PCDHA9: variants seen among roughly 807,000 people sequenced by gnomAD.
PCDHA9 encodes protocadherin alpha 9, also known as protocadherin alpha-9.
Under a neutral mutation model 62.0 loss-of-function variants are expected in PCDHA9, and 62 were observed. That is an observed-to-expected ratio of 1.00 (90% CI 0.81 to 1.23). The LOEUF (loss-of-function observed/expected upper bound fraction) is 1.23, where lower values mean the gene tolerates loss of function less well. Among genes scored for constraint, PCDHA9 ranks in the 50% most tolerant of loss-of-function variants. The pLI is 0.00. For synonymous variants in PCDHA9, 557 were observed against 567.6 expected (o/e 0.98, Z 0.27); for missense variants, 1,205 against 1,249.8 (o/e 0.96, Z 0.54).
chr5:140,913,384 C>G (rs1018271300), intron 1 of PCDHA9, among the ~76,000 whole-genome samples: 1 of 152,144 alleles, frequency 6.6e-6, no homozygotes, highest in Non-Finnish European at 1.5e-5. Flanking sequence ...AGTGGCTCAT[C>G]ATAGCCACTA....
intron 1 of PCDHA9, among the ~76,000 whole-genome samples, chr5:140,893,392 C>T (rs116952410): frequency 6.6e-6 from 1 of 152,112 alleles, no homozygotes; most frequent in African/African-American, 2.4e-5. Context: ...GTGGCTCATG[C>T]CTGTAATCCC....
intron 3 of PCDHA9, among the ~76,000 whole-genome samples, chr5:140,991,094 A>G (rs144874764): frequency 9.8e-4 from 150 of 152,358 alleles, no homozygotes; most frequent in African/African-American, 3.5e-3. Context: ...ATTAAAGCTC[A>G]TAAGAATTAA....
chr5:140,863,062 G>C (rs62384481), intron 1 of PCDHA9: 2 of 565,590 alleles, frequency 3.5e-6, no homozygotes, highest in African/African-American at 3.8e-5. Flanking sequence ...CCCGTTCCAC[G>C]TGGGGCTCTG....
chr5:140,957,792 T>C (rs148659760), intron 1 of PCDHA9, among the ~76,000 whole-genome samples: 1 of 152,230 alleles, frequency 6.6e-6, no homozygotes, highest in East Asian at 1.9e-4. Flanking sequence ...TCATCATATA[T>C]GTTAAGTAAA....
intron 1 of PCDHA9, among the ~76,000 whole-genome samples, chr5:140,949,594 G>C (rs914390039): frequency 6.6e-6 from 1 of 151,450 alleles, no homozygotes; most frequent in African/African-American, 2.4e-5. Context: ...ATATTAATGT[G>C]GCCATTCTAG....
chr5:140,967,272 TAG>T, intron 1 of PCDHA9: 1 of 1,613,412 alleles, frequency 6.2e-7, no homozygotes, highest in Non-Finnish European at 8.5e-7. Flanking sequence ...CGCTTTCACA[TAG>T]AGAGTGCGCA....
At chr5:140,882,529 T>G (rs1277056302) in intron 1 of PCDHA9, 1 of 1,614,074 alleles carries the variant, frequency 6.2e-7, no homozygotes, top group Non-Finnish European at 8.5e-7. Context: ...TGTTTGTGAA[T>G]TCTCGGATCG....
chr5:140,865,207 G>T (rs2048773206), intron 1 of PCDHA9: 1 of 152,092 alleles, frequency 6.6e-6, no homozygotes. Context: ...AATGTGAATT[G>T]CTTTCTTTAA....
chr5:140,882,888 A>G, intron 1 of PCDHA9: 1 of 1,614,190 alleles, frequency 6.2e-7, no homozygotes. Context: ...GAAATTCAGG[A>G]ACATAGTTTA....
rs115221257 is a variant in PCDHA9 at position 140,951,407 on chromosome 5, A to G, written c.2395-27542A>G. On this transcript the variant is annotated intron_variant, in intron 1 of 3. Transcript: ENST00000532602. ...GGTAATTTATAAAGAAAAGAGGTTTAATTGGCTCACAGTTCCACAGGCTGT... is the reference window on the plus strand; with the variant it reads ...GGTAATTTATAAAGAAAAGAGGTTTGATTGGCTCACAGTTCCACAGGCTGT... Among the ~76,000 whole-genome samples the G allele has an allele frequency of 4.7e-3, 715 of 152,182 alleles. 3 individuals are homozygous for G. Among genetic ancestry groups the G allele is most frequent in the African/African-American group, 0.015 (625 of 41,530 alleles).
intron 1 of PCDHA9, chr5:140,857,549 C>G (rs1554150197): frequency 6.3e-7 from 1 of 1,596,826 alleles, no homozygotes; most frequent in Admixed American, 1.7e-5. Flanking sequence ...GTTGGGCGAG[C>G]GCTCGCTGTC....
chr5:140,884,684 T>C (rs2060315542), intron 1 of PCDHA9: 1 of 1,543,214 alleles, frequency 6.5e-7, no homozygotes. Flanking sequence ...TTTTAAAAAA[T>C]TGTCTTAGTA....
chr5:140,987,904 G>A (rs115515462), intron 3 of PCDHA9, among the ~76,000 whole-genome samples: 1 of 151,734 alleles, frequency 6.6e-6, no homozygotes, highest in African/African-American at 2.4e-5. Context: ...TTTTATATGG[G>A]GATTTATATT....
chr5:140,901,695 T>G (rs1554189992), intron 1 of PCDHA9, among the ~76,000 whole-genome samples: 1 of 152,216 alleles, frequency 6.6e-6, no homozygotes, highest in Non-Finnish European at 1.5e-5. Context: ...TATTTTGTAG[T>G]TCTATATACA....
intron 1 of PCDHA9, among the ~76,000 whole-genome samples, chr5:140,901,935 GTA>G (rs200320249): frequency 0.011 from 1,607 of 151,762 alleles, 16 homozygotes; most frequent in African/African-American, 0.028. Context: ...TAATTCCTAG[GTA>G]TATTTAGTTT....
rs377133743 is a variant in PCDHA9 at position 140,875,740 on chromosome 5, A to C, written c.2394+24851A>C. The C allele has an allele frequency of 2.1e-4, 339 of 1,614,222 alleles. No individual in the cohort carries two copies. The African/African-American group carries it at 4.0e-3, about 19-fold the overall frequency. On this transcript the variant is annotated intron_variant, in intron 1 of 3. Coordinates refer to ENST00000532602, the MANE Select transcript of PCDHA9 (RefSeq NM_031857.2). ...TGGCATTTTGTTTGTGAATTCTCGG[A>C]TCGACCGCGAGAAGCTGTGCGGGCG...
At chr5:141,006,579 T>C (rs1208750821) in intron 3 of PCDHA9, among the ~76,000 whole-genome samples, 1 of 151,702 alleles carries the variant, frequency 6.6e-6, no homozygotes, top group Non-Finnish European at 1.5e-5. Context: ...GTGTGGAGGG[T>C]TGGAGAGAAG....
At chr5:140,962,174 C>T (rs1365738124) in intron 1 of PCDHA9, among the ~76,000 whole-genome samples, 1 of 152,100 alleles carries the variant, frequency 6.6e-6, no homozygotes, top group Admixed American at 6.6e-5. Context: ...CACACCCGGC[C>T]ACTTATATCA....
intron 1 of PCDHA9, among the ~76,000 whole-genome samples, chr5:140,905,859 A>T (rs2072155643): frequency 1.3e-5 from 2 of 152,192 alleles, no homozygotes; most frequent in Non-Finnish European, 2.9e-5. Context: ...GTATTAACTC[A>T]CACAATCACA....
Sources: allele counts gnomAD v4.1 joint callset (sites outside exome capture counted in the v4.1 genomes callset), GRCh38; gene constraint gnomAD v4.1.1; transcripts MANE v1.5; gene names NCBI Gene and HGNC (gene_info 2026-07-23, HGNC 2026-07-21).